SLC30A4: variants seen among roughly 807,000 people sequenced by gnomAD.
The protein encoded by SLC30A4 is probable proton-coupled zinc antiporter SLC30A4.
SLC30A4 carries 20 observed loss-of-function variants against 41.7 expected under a neutral mutation model. The ratio of observed to expected loss-of-function variants is 0.48; its 90% CI spans 0.34 to 0.70. The LOEUF (loss-of-function observed/expected upper bound fraction) is 0.70. SLC30A4 is among the 30% of genes least tolerant of loss of function. The pLI is 0.01. For synonymous variants in SLC30A4, 181 were observed against 195.9 expected, an observed-to-expected ratio of 0.92 and a Z score of 0.64; for missense variants, 441 against 529.3, an observed-to-expected ratio of 0.83 and a Z score of 1.64.
chr15:45,522,538 G>T (rs1892709471), intron 1 of SLC30A4, 69 bp downstream of exon 1: 2 of 606,752 alleles, frequency 3.3e-6, no homozygotes, highest in Admixed American at 7.3e-5. Context: ...AGCCGCTGGC[G>T]GCGGGTCGCA....
chr15:45,505,965 A>G (rs943652263), intron 3 of SLC30A4, among the ~76,000 whole-genome samples: 1 of 152,060 alleles, frequency 6.6e-6, no homozygotes, highest in East Asian at 1.9e-4. Flanking sequence ...GGATCACTTG[A>G]TCTCAAGAGT....
intron 3 of SLC30A4, among the ~76,000 whole-genome samples, chr15:45,507,049 C>A (rs947507186): frequency 6.6e-6 from 1 of 151,996 alleles, no homozygotes; most frequent in East Asian, 1.9e-4. Context: ...TGGCTGGGGG[C>A]GGTGGCTCAT....
At position 45,494,686 on chromosome 15, in the gene SLC30A4, TCAAAACAAAA is replaced by T. The variant is rs146741531; in HGVS notation, c.539-3815_539-3806del. 4.0e-3 allele frequency among the ~76,000 whole-genome samples: 612 copies of T among 151,412 alleles called. 2 individuals are homozygous for T. Among genetic ancestry groups the T allele is most frequent in the Non-Finnish European group, 6.3e-3 (427 of 67,936 alleles). The stretch of plus-strand genomic sequence containing the variant: ...CCGGGTGGCAGAGCGAGACTCTGTC[TCAAAACAAAA>T]CAAAACAAAACAAAACTGTAAAGAA... On this transcript the variant is annotated intron_variant, in intron 3 of 7. Transcript: ENST00000261867.
rs57854212 is a variant in SLC30A4 at position 45,482,057 on chromosome 15, TAAA to T, written c.*3103_*3105del. 2,699 of 35,602 alleles carry T rather than the reference TAAA, an allele frequency of 0.076. 163 individuals carry two copies. The highest frequency in any genetic ancestry group is 0.25 in the African/African-American group (2,491 of 9,962). The allele number at this position is 35,602 out of a possible 1,614,324, so 2.2% of individuals were successfully genotyped here. ...GCAACATAGGGAGACCCCATCTCATTAAAAAAAAAAAAAAAAAAAAAAAAAAAA... is the reference window on the plus strand; with the variant it reads ...GCAACATAGGGAGACCCCATCTCATTAAAAAAAAAAAAAAAAAAAAAAAAA... On this transcript the variant is annotated 3_prime_UTR_variant, in exon 8 of 8. Transcript: ENST00000261867.
intron 3 of SLC30A4, among the ~76,000 whole-genome samples, chr15:45,493,187 G>A (rs1406321676): frequency 1.3e-5 from 2 of 152,110 alleles, no homozygotes; most frequent in Admixed American, 6.5e-5. Flanking sequence ...CAGAAGAATC[G>A]CTTGAACTCA....
Position 45,511,226 on chromosome 15 carries a change from G to C in SLC30A4, c.450C>G (p.Asp150Glu). The C allele has an allele frequency of 6.2e-7, 1 of 1,612,948 alleles. No individual in the cohort carries two copies. The highest frequency in any genetic ancestry group is 8.5e-7 in the Non-Finnish European group (1 of 1,179,172). Reference protein sequence around the residue: ...IMTDALHMLTDLSAIILTLLA... With the variant: ...IMTDALHMLTELSAIILTLLA... Reference sequence around the variant, plus strand: ...GCAGGGTGAGTATGATGGCGCTTAGGTCAGTTAACATATGAAGTGCATCTG... The same window carrying C: ...GCAGGGTGAGTATGATGGCGCTTAGCTCAGTTAACATATGAAGTGCATCTG... The change falls in exon 3 of 8, where the codon GAC becomes GAG. Residue 150 changes from aspartate to glutamate, a missense_variant. Physicochemically the swap from Asp to Glu is conservative, Grantham distance 45 (BLOSUM62 2). Coordinates refer to ENST00000261867, the MANE Select transcript of SLC30A4 (RefSeq NM_013309.6).
intron 3 of SLC30A4, 49 bp downstream of exon 3, chr15:45,511,089 T>A: frequency 6.9e-7 from 1 of 1,440,742 alleles, no homozygotes; most frequent in East Asian, 2.3e-5. Context: ...TAGTTCATTG[T>A]GGTTTTACTA....
intron 5 of SLC30A4, 148 bp downstream of exon 5, chr15:45,488,693 G>A: frequency 1.6e-6 from 1 of 641,326 alleles, no homozygotes; most frequent in South Asian, 2.0e-5. Flanking sequence ...GCTAACAAAA[G>A]AACTATAATG....
intron 4 of SLC30A4, 88 bp from the exon 5 acceptor site, chr15:45,489,130 A>T: frequency 1.1e-6 from 1 of 900,894 alleles, no homozygotes; most frequent in Non-Finnish European, 1.7e-6. Flanking sequence ...GGTAACATGG[A>T]ACTCATTTAT....
At chr15:45,512,038 G>A (rs975903666) in intron 2 of SLC30A4, among the ~76,000 whole-genome samples, 4 of 152,256 alleles carry the variant, frequency 2.6e-5, no homozygotes, top group Middle Eastern at 3.4e-3. Flanking sequence ...ACATTAGTTC[G>A]ATATAAAATA....
chr15:45,512,332 G>A (rs149496873), intron 2 of SLC30A4: 1 of 152,272 alleles, frequency 6.6e-6, no homozygotes, highest in Non-Finnish European at 1.5e-5. Flanking sequence ...GATGGTGATG[G>A]GGATGGGACC....
chr15:45,496,836 TATAAATAAATAAATAA>T (rs77966458), intron 3 of SLC30A4, among the ~76,000 whole-genome samples: 16 of 137,104 alleles, frequency 1.2e-4, no homozygotes, highest in East Asian at 4.2e-4. Flanking sequence ...TCTCTGAAAA[TATAAATAAATAAATAA>T]ATAAATAAAT....
At position 45,491,967 on chromosome 15, in the gene SLC30A4, T is replaced by C. The variant is rs552214296; in HGVS notation, c.539-1086A>G. On this transcript the variant is annotated intron_variant, in intron 3 of 7. Transcript: ENST00000261867. Reference sequence around the variant, plus strand: ...TAGGAATAAGATTTATTTCCTCCTATTAAATTGGCAAACTTTTTTTAAAAA... The same window carrying C: ...TAGGAATAAGATTTATTTCCTCCTACTAAATTGGCAAACTTTTTTTAAAAA... 3.9e-5 allele frequency among the ~76,000 whole-genome samples: 6 copies of C among 152,242 alleles called. No homozygotes were observed. In the East Asian group the frequency reaches 1.2e-3, roughly 29 times the overall value.
At chr15:45,496,836 T>TATAAATAAATAAATAA (rs77966458) in intron 3 of SLC30A4, among the ~76,000 whole-genome samples, 3 of 137,042 alleles carry the variant, frequency 2.2e-5, no homozygotes, top group Non-Finnish European at 4.7e-5. Context: ...TCTCTGAAAA[T>TATAAATAAATAAATAA]ATAAATAAAT....
chr15:45,513,541 T>TG lies in SLC30A4; in HGVS notation c.392-2258dup, dbSNP rs1892365232. ...CATCTTCACAAAAAGAATGAAAACA[T>TG]GGACAAAAATAGTCAAAATCAGCTT... On this transcript the variant is annotated intron_variant, in intron 2 of 7. Transcript: ENST00000261867. 2.7e-5 allele frequency among the ~76,000 whole-genome samples: 4 copies of TG among 149,722 alleles called. No individual in the cohort carries two copies. The South Asian group carries it at 8.3e-4, about 31-fold the overall frequency.
In SLC30A4 at chr15:45,486,634, G is replaced by T; in HGVS notation, c.1112C>A (p.Thr371Asn). 6.2e-7 allele frequency: 1 copy of T among 1,604,762 alleles called. No homozygotes were observed. Among genetic ancestry groups the T allele is most frequent in the East Asian group, 2.3e-5 (1 of 44,202 alleles). ...ACTTAGCTGTATGTGAACTATGGCAGTAGATTTTCCTGAAGTGAGAGACCA... is the reference window on the plus strand; with the variant it reads ...ACTTAGCTGTATGTGAACTATGGCATTAGATTTTCCTGAAGTGAGAGACCA... Reference protein sequence around the residue: ...NIWSLTSGKSTAIVHIQLIPG... With the variant: ...NIWSLTSGKSNAIVHIQLIPG... The change falls in exon 7 of 8, where the codon ACT (threonine) becomes AAT (asparagine). Residue 371 changes from threonine to asparagine, a missense_variant. Thr to Asn is a moderately conservative substitution (Grantham distance 65). Around this residue, in one of 3 missense-constraint regions of SLC30A4, gnomAD observed 100 missense variants for 121.0 expected, o/e 0.83. Transcript: ENST00000261867.
chr15:45,484,976 T>A lies in SLC30A4; in HGVS notation c.*187A>T. ...GGGAAACATCTTCATCTGAAAATTA[T>A]GGCAAAGTCTCCTTTTACCATTAAA... On this transcript the variant is annotated 3_prime_UTR_variant, in exon 8 of 8. Coordinates refer to ENST00000261867, the MANE Select transcript of SLC30A4 (RefSeq NM_013309.6). 1.8e-6 allele frequency: 1 copy of A among 549,670 alleles called. No individual in the cohort carries two copies. The highest frequency in any genetic ancestry group is 3.7e-5 in the Admixed American group (1 of 27,380). The allele number at this position is 549,670 out of a possible 1,614,324, so 34.0% of individuals were successfully genotyped here.
At chr15:45,491,601 G>C (rs1350603654) in intron 3 of SLC30A4, among the ~76,000 whole-genome samples, 1 of 152,108 alleles carries the variant, frequency 6.6e-6, no homozygotes, top group Non-Finnish European at 1.5e-5. Context: ...TGGGTAATGT[G>C]CCAACGTTGT....
chr15:45,522,169 A>C lies in SLC30A4; in HGVS notation c.186T>G (p.Val62=). Reference sequence around the variant, plus strand: ...CCTGGAGGGTCGGGTGCGCCCCGTTAACAGGCCTTTCCGGGGCTTCGGAAC... The same window carrying C: ...CCTGGAGGGTCGGGTGCGCCCCGTTCACAGGCCTTTCCGGGGCTTCGGAAC... The part of the protein sequence containing the change: ...DDGSEAPERP[V]NGAHPTLQAD... Residue 62 remains valine, a synonymous_variant, in exon 2 of 8, where the codon GTT becomes GTG. Coordinates refer to ENST00000261867, the MANE Select transcript of SLC30A4 (RefSeq NM_013309.6). 1 of 1,614,204 alleles carries C rather than the reference A, an allele frequency of 6.2e-7. No individual in the cohort carries two copies. Among genetic ancestry groups the C allele is most frequent in the Non-Finnish European group, 8.5e-7 (1 of 1,180,040 alleles).
Sources: allele counts gnomAD v4.1 joint callset (sites outside exome capture counted in the v4.1 genomes callset), GRCh38; gene constraint gnomAD v4.1.1; regional missense constraint gnomAD v4.1.1; transcripts MANE v1.5; gene names NCBI Gene and HGNC (gene_info 2026-07-23, HGNC 2026-07-21).